The following MCMBP variants were observed in gnomAD, a reference collection of about 807,000 sequenced individuals.
The protein encoded by MCMBP is minichromosome maintenance complex binding protein.
Under a neutral mutation model 81.3 loss-of-function variants are expected in MCMBP, and 31 were observed. The observed-to-expected ratio is 0.38, with a 90% CI of 0.29 to 0.51. The LOEUF is 0.51. MCMBP is among the 20% of genes least tolerant of loss of function. MCMBP has a pLI of 0.87. For synonymous variants in MCMBP, 267 were observed against 275.9 expected, an observed-to-expected ratio of 0.97 and a Z score of 0.32; for missense variants, 645 against 772.1, an observed-to-expected ratio of 0.84 and a Z score of 1.95.
intron 5 of MCMBP, among the ~76,000 whole-genome samples, chr10:119,854,017 A>T (rs920550326): frequency 4.6e-5 from 7 of 151,220 alleles, no homozygotes; most frequent in Non-Finnish European, 8.8e-5. Flanking sequence ...TGGGCAACAC[A>T]GTGAGAACTC....
rs1456094955 is a variant in MCMBP at position 119,831,378 on chromosome 10, G to T, written c.*96C>A. 20 of 1,455,084 alleles carry T rather than the reference G, an allele frequency of 1.4e-5. No homozygotes were observed. Among genetic ancestry groups the T allele is most frequent in the African/African-American group, 4.2e-5 (3 of 70,908 alleles). 90.1% of individuals were successfully genotyped at this position (1,455,084 alleles called of 1,614,324 possible). ...CAGGAAATGTCACTGGTTTGTGATA[G>T]AAATTACCTATAAAACAATGTGGTA... On this transcript the variant is annotated 3_prime_UTR_variant, in exon 16 of 16. Transcript: ENST00000369077.
Position 119,842,522 on chromosome 10 carries a change from C to A in MCMBP, c.1074G>T (p.Leu358=), listed in dbSNP as rs770074173. The change falls in exon 10 of 16, where the codon CTG becomes CTT. Residue 358 remains leucine, a synonymous_variant. Transcript: ENST00000369077. ...GGTATTCAGCAGCCAAACTATCCCC[C>A]AGAAGGGCATGAGTAAGGAACCCAA... is the stretch of plus-strand genomic sequence containing the variant. ...ELLGFLTHAL[L]GDSLAAEYLI... 9.9e-6 allele frequency: 16 copies of A among 1,613,760 alleles called. No homozygotes were observed. The highest frequency in any genetic ancestry group is 1.4e-5 in the Non-Finnish European group (16 of 1,179,868).
In MCMBP at chr10:119,838,704, C is replaced by A; in HGVS notation, c.1243-4G>T. 6.3e-7 allele frequency: 1 copy of A among 1,587,534 alleles called. No homozygotes were observed. The highest frequency in any genetic ancestry group is 8.6e-7 in the Non-Finnish European group (1 of 1,161,756). On this transcript the variant is annotated splice_region_variant and splice_polypyrimidine_tract_variant and intron_variant, in intron 11 of 15. Coordinates refer to ENST00000369077, the MANE Select transcript of MCMBP (RefSeq NM_001256378.2). ...TAGTCATCTGCAGACGAAAAGACTG[C>A]AAAGAGAAATTTTTTAGTGAACAAG... is the stretch of plus-strand genomic sequence containing the variant.
chr10:119,854,780 A>C (rs1852965329), intron 5 of MCMBP, among the ~76,000 whole-genome samples: 1 of 151,578 alleles, frequency 6.6e-6, no homozygotes, highest in Non-Finnish European at 1.5e-5. Flanking sequence ...AACATGGTGA[A>C]ACCCCGTCTC....
At chr10:119,859,287 C>A (rs1052460659) in intron 2 of MCMBP, 106 bp from the exon 3 acceptor site, 2 of 820,730 alleles carry the variant, frequency 2.4e-6, no homozygotes, top group African/African-American at 3.4e-5. Flanking sequence ...CACACACACA[C>A]ACACACACAC....
rs1197726973 is a variant in MCMBP, at chr10:119,835,623, G to A, written c.1624C>T (p.Leu542=). ...CGGAATTTGTTCAGCACGGAAGGCA[G>A]CACCGCTGAGAGAAGGCTGTTCATG... The part of the protein sequence containing the change: ...EYMNSLLSAV[L]PSVLNKFRIY... Residue 542 remains leucine, a synonymous_variant, in exon 14 of 16, where the codon CTG becomes TTG. Coordinates refer to ENST00000369077, the MANE Select transcript of MCMBP (RefSeq NM_001256378.2). 2.5e-6 allele frequency: 4 copies of A among 1,614,194 alleles called. No individual in the cohort carries two copies. The Admixed American group carries it at 5.0e-5, about 20-fold the overall frequency.
chr10:119,865,315 G>A (rs1275500950), intron 1 of MCMBP, among the ~76,000 whole-genome samples: 4 of 152,208 alleles, frequency 2.6e-5, no homozygotes, highest in Non-Finnish European at 4.4e-5. Context: ...TTTTAGGCCA[G>A]GCGTAGTGGC....
chr10:119,829,924 G>A lies in MCMBP; in HGVS notation c.*1550C>T, dbSNP rs1851939204. 6.6e-6 allele frequency: 1 copy of A among 152,508 alleles called. No individual in the cohort carries two copies. Among genetic ancestry groups the A allele is most frequent in the Non-Finnish European group, 1.5e-5 (1 of 68,034 alleles). 9.4% of individuals were successfully genotyped at this position (152,508 alleles called of 1,614,324 possible). A position where few individuals can be genotyped will look rare whatever the true frequency, so the allele number is the denominator to read the frequency against. Reference sequence around the variant, plus strand: ...GCACAAAAAACACATGGTGACTAATGTACTTTGCTCTAGGACAATTAAAGA... The same window carrying A: ...GCACAAAAAACACATGGTGACTAATATACTTTGCTCTAGGACAATTAAAGA... On this transcript the variant is annotated 3_prime_UTR_variant, in exon 16 of 16. Transcript: ENST00000369077.
chr10:119,853,850 C>G (rs1032702888), intron 5 of MCMBP, among the ~76,000 whole-genome samples: 3 of 152,140 alleles, frequency 2.0e-5, no homozygotes, highest in Non-Finnish European at 2.9e-5. Context: ...CCAGAAATAG[C>G]AGACCTCATG....
intron 11 of MCMBP, 128 bp from the exon 12 acceptor site, chr10:119,838,828 T>TA (rs1410149419): frequency 1.3e-6 from 1 of 776,008 alleles, no homozygotes; most frequent in Non-Finnish European, 1.9e-6. Flanking sequence ...GGAGTAGTGA[T>TA]ATGGTTTCTT....
At chr10:119,832,974 T>A (rs11597794) in intron 14 of MCMBP, among the ~76,000 whole-genome samples, 5 of 152,160 alleles carry the variant, frequency 3.3e-5, no homozygotes. Context: ...TCAGAGACCA[T>A]AGCTCCCACC....
At chr10:119,871,606 A>G (rs534088566) in intron 1 of MCMBP, among the ~76,000 whole-genome samples, 3 of 152,120 alleles carry the variant, frequency 2.0e-5, no homozygotes, top group Non-Finnish European at 4.4e-5. Context: ...TTAGCTTCCC[A>G]CTGCCTTTTC....
At chr10:119,864,811 T>G (rs967783279) in intron 1 of MCMBP, among the ~76,000 whole-genome samples, 1 of 152,218 alleles carries the variant, frequency 6.6e-6, no homozygotes, top group African/African-American at 2.4e-5. Flanking sequence ...CCCACAAATT[T>G]TGGTATGTTG....
At chr10:119,860,169 C>T (rs900245962) in intron 1 of MCMBP, among the ~76,000 whole-genome samples, 15 of 152,166 alleles carry the variant, frequency 9.9e-5, no homozygotes, top group African/African-American at 3.4e-4. Flanking sequence ...GCTGGGGACA[C>T]CTACAGAATG....
rs898699650 is a variant in MCMBP at position 119,829,543 on chromosome 10, G to A, written c.*1931C>T. The A allele has an allele frequency of 1.3e-5, 2 of 152,348 alleles. No homozygotes were observed. Among genetic ancestry groups the A allele is most frequent in the Admixed American group, 6.5e-5 (1 of 15,302 alleles). 9.4% of individuals were successfully genotyped at this position (152,348 alleles called of 1,614,324 possible). On this transcript the variant is annotated 3_prime_UTR_variant, in exon 16 of 16. Transcript: ENST00000369077. Reference sequence around the variant, plus strand: ...TTCCTGGCCATACAGGATTAACGCTGTGCCTTACGTTAGAGCAACAAACTT... The same window carrying A: ...TTCCTGGCCATACAGGATTAACGCTATGCCTTACGTTAGAGCAACAAACTT...
chr10:119,863,047 A>G (rs1377955063), intron 1 of MCMBP, among the ~76,000 whole-genome samples: 1 of 152,170 alleles, frequency 6.6e-6, no homozygotes, highest in Admixed American at 6.5e-5. Context: ...TTCTGGATTC[A>G]AGTTCTTTTT....
At chr10:119,868,025 A>G (rs1415518569) in intron 1 of MCMBP, among the ~76,000 whole-genome samples, 3 of 152,224 alleles carry the variant, frequency 2.0e-5, no homozygotes, top group Non-Finnish European at 2.9e-5. Flanking sequence ...TCTTCACCCA[A>G]CCCTGCTCTT....
chr10:119,849,903 GA>G (rs1183370342), intron 6 of MCMBP, among the ~76,000 whole-genome samples: 1 of 152,038 alleles, frequency 6.6e-6, no homozygotes, highest in Non-Finnish European at 1.5e-5. Context: ...TTGATTTAAG[GA>G]ATACATGGTC....
At chr10:119,869,001 A>AT (rs1853570331) in intron 1 of MCMBP, among the ~76,000 whole-genome samples, 1 of 152,198 alleles carries the variant, frequency 6.6e-6, no homozygotes, top group South Asian at 2.1e-4. Flanking sequence ...CCTGGATCAG[A>AT]TAGTAAGGGT....
Sources: allele counts gnomAD v4.1 joint callset (sites outside exome capture counted in the v4.1 genomes callset), GRCh38; gene constraint gnomAD v4.1.1; transcripts MANE v1.5; gene names NCBI Gene and HGNC (gene_info 2026-07-23, HGNC 2026-07-21).